The following EPHA3 variants were observed in gnomAD, a reference collection of about 807,000 sequenced individuals.
EPHA3 encodes the protein EPH receptor A3, also known as ephrin type-A receptor 3.
A neutral mutation model predicts 107.1 loss-of-function variants in EPHA3; 42 were observed. The ratio of observed to expected loss-of-function variants is 0.39; its 90% CI spans 0.31 to 0.51. The LOEUF is 0.51. EPHA3 is among the 20% of genes least tolerant of loss of function. The pLI, the probability that EPHA3 is intolerant of heterozygous loss-of-function variation, is 0.78. For synonymous variants in EPHA3, 461 were observed against 424.8 expected, an observed-to-expected ratio of 1.09 and a Z score of -1.05; for missense variants, 1,183 against 1,211.2, an observed-to-expected ratio of 0.98 and a Z score of 0.35.
chr3:89,274,760 G>A (rs1268645156), intron 3 of EPHA3, among the ~76,000 whole-genome samples: 1 of 151,874 alleles, frequency 6.6e-6, no homozygotes, highest in African/African-American at 2.4e-5. Context: ...ATTTAGAATC[G>A]TAACCAAGGA....
chr3:89,224,090 A>G (rs888934772), intron 3 of EPHA3, among the ~76,000 whole-genome samples: 1 of 152,218 alleles, frequency 6.6e-6, no homozygotes, highest in African/African-American at 2.4e-5. Context: ...ATGTGAAGCA[A>G]TAAGAAAAGG....
chr3:89,265,792 TGA>T (rs1443035904), intron 3 of EPHA3, among the ~76,000 whole-genome samples: 7 of 152,160 alleles, frequency 4.6e-5, no homozygotes, highest in Non-Finnish European at 8.8e-5. Flanking sequence ...TGTCAAGTCC[TGA>T]GAATGAGCAC....
chr3:89,138,778 A>G (rs2107010249), intron 2 of EPHA3, among the ~76,000 whole-genome samples: 1 of 151,974 alleles, frequency 6.6e-6, no homozygotes, highest in South Asian at 2.1e-4. Context: ...TATTTTGTTA[A>G]GACTCCAGGA....
At position 89,119,785 on chromosome 3, in the gene EPHA3, A is replaced by T. The variant is rs182800563; in HGVS notation, c.89-7424A>T. ...TGTATGTGCACATGTGTGTTTGGGG[A>T]TGCCAAAATGTCCAGAGGATGTTTT... On this transcript the variant is annotated intron_variant, in intron 1 of 16. Transcript: ENST00000336596. Among the ~76,000 whole-genome samples, 4 of 152,264 alleles carry T rather than the reference A, an allele frequency of 2.6e-5. No individual in the cohort carries two copies. The East Asian group carries it at 7.7e-4, about 29-fold the overall frequency.
intron 3 of EPHA3, among the ~76,000 whole-genome samples, chr3:89,290,357 G>A (rs1352464478): frequency 6.6e-6 from 1 of 152,004 alleles, no homozygotes; most frequent in South Asian, 2.1e-4. Context: ...ATGAATCAAC[G>A]AATGAAAATA....
chr3:89,380,548 G>A (rs945006214), intron 5 of EPHA3, among the ~76,000 whole-genome samples: 1 of 152,098 alleles, frequency 6.6e-6, no homozygotes, highest in Admixed American at 6.6e-5. Context: ...AAAGGAGCCA[G>A]CCAAGACTAA....
chr3:89,474,353 A>T (rs574323775), intron 16 of EPHA3, among the ~76,000 whole-genome samples: 1 of 152,274 alleles, frequency 6.6e-6, no homozygotes, highest in East Asian at 1.9e-4. Context: ...CTTCTGACCC[A>T]ATCGACAGTA....
At chr3:89,291,160 G>C (rs1328722054) in intron 3 of EPHA3, among the ~76,000 whole-genome samples, 1 of 152,152 alleles carries the variant, frequency 6.6e-6, no homozygotes, top group Non-Finnish European at 1.5e-5. Flanking sequence ...GTGACCTTGA[G>C]TAAGTCACTA....
chr3:89,376,010 A>C (rs1174774104), intron 5 of EPHA3, among the ~76,000 whole-genome samples: 1 of 151,940 alleles, frequency 6.6e-6, no homozygotes, highest in Admixed American at 6.6e-5. Flanking sequence ...GGCACCTGGC[A>C]TACAGTAAGC....
intron 13 of EPHA3, among the ~76,000 whole-genome samples, chr3:89,433,338 C>T (rs1196492415): frequency 2.0e-5 from 3 of 151,854 alleles, no homozygotes; most frequent in Admixed American, 6.6e-5. Context: ...GCAAATCACT[C>T]GAGAACTCCA....
chr3:89,170,041 G>A (rs113345228), intron 2 of EPHA3, among the ~76,000 whole-genome samples: 14 of 152,034 alleles, frequency 9.2e-5, no homozygotes, highest in Non-Finnish European at 2.9e-5. Context: ...GAGGTCAGGG[G>A]ATCGAGACCA....
chr3:89,466,469 T>C (rs1257032525), intron 15 of EPHA3, among the ~76,000 whole-genome samples: 57 of 123,710 alleles, frequency 4.6e-4, no homozygotes, highest in East Asian at 6.4e-4. Flanking sequence ...ACTGCTGTGC[T>C]AGCAATCAGC....
chr3:89,364,256 T>C (rs1708148255), intron 5 of EPHA3, among the ~76,000 whole-genome samples: 1 of 150,834 alleles, frequency 6.6e-6, no homozygotes, highest in Admixed American at 6.7e-5. Flanking sequence ...CTGCTATTGA[T>C]GAAAACTCTC....
chr3:89,325,583 C>T lies in EPHA3; in HGVS notation c.815-15333C>T, dbSNP rs577207243. The stretch of plus-strand genomic sequence containing the variant: ...GGCCCTCATATCATTTCTTTTCCAG[C>T]TATACTCTTTTTCTTTACCTTTCAT... On this transcript the variant is annotated intron_variant, in intron 3 of 16. Transcript: ENST00000336596. Among the ~76,000 whole-genome samples the T allele has an allele frequency of 4.2e-4, 64 of 152,270 alleles. No individual in the cohort carries two copies. In the South Asian group the frequency reaches 0.011, roughly 27 times the overall value.
At chr3:89,409,101 G>A (rs1019913558) in intron 9 of EPHA3, among the ~76,000 whole-genome samples, 8 of 152,024 alleles carry the variant, frequency 5.3e-5, no homozygotes, top group Non-Finnish European at 1.0e-4. Context: ...AATATAAATT[G>A]ATATGAGAAG....
At chr3:89,204,774 G>C (rs1402043457) in intron 2 of EPHA3, among the ~76,000 whole-genome samples, 1 of 152,112 alleles carries the variant, frequency 6.6e-6, no homozygotes, top group Non-Finnish European at 1.5e-5. Context: ...TGCTTAAAAT[G>C]CTGCTGCCTG....
chr3:89,385,390 A>T (rs1663010966), intron 5 of EPHA3, among the ~76,000 whole-genome samples: 1 of 152,134 alleles, frequency 6.6e-6, no homozygotes, highest in South Asian at 2.1e-4. Flanking sequence ...GGGGGCTGTT[A>T]CCCTCATGCT....
At chr3:89,142,677 A>G (rs1257462776) in intron 2 of EPHA3, among the ~76,000 whole-genome samples, 1 of 151,536 alleles carries the variant, frequency 6.6e-6, no homozygotes, top group African/African-American at 2.4e-5. Context: ...GATATCTCTC[A>G]TCAAATACTG....
intron 5 of EPHA3, among the ~76,000 whole-genome samples, chr3:89,362,477 C>G (rs1282002251): frequency 1.3e-5 from 2 of 151,014 alleles, no homozygotes; most frequent in Non-Finnish European, 3.0e-5. Context: ...TTTATAGAGC[C>G]CTTCGTCTTA....
Sources: gnomAD v4.1 joint callset for allele counts (sites outside exome capture counted in the v4.1 genomes callset) on GRCh38, gnomAD v4.1.1 for gene constraint, MANE v1.5 for transcripts, NCBI Gene and HGNC (gene_info 2026-07-23, HGNC 2026-07-21) for gene names.